The following MALRD1 variants were observed in gnomAD, a reference collection of about 807,000 sequenced individuals.
MALRD1 encodes MAM and LDL receptor class A domain containing 1.
Under a neutral mutation model 242.1 loss-of-function variants are expected in MALRD1, and 247 were observed. The ratio of observed to expected loss-of-function variants is 1.02; its 90% CI spans 0.92 to 1.13. MALRD1 has a LOEUF of 1.13. Ranked by LOEUF, MALRD1 falls within the 50% of genes most tolerant of loss-of-function variation. MALRD1 has a pLI of 0.00. For synonymous variants in MALRD1, 995 were observed against 866.6 expected (o/e 1.15, Z -2.60); for missense variants, 2,989 against 2,533.1 (o/e 1.18, Z -3.86).
At chr10:19,717,424 G>A (rs1834441804) in intron 38 of MALRD1, among the ~76,000 whole-genome samples, 1 of 152,100 alleles carries the variant, frequency 6.6e-6, no homozygotes, top group Admixed American at 6.6e-5. Flanking sequence ...GTATAATTTG[G>A]CACCATGGCT....
At chr10:19,465,954 C>A (rs7089570) in intron 29 of MALRD1, among the ~76,000 whole-genome samples, 115,147 of 152,120 alleles carry the variant, frequency 0.76, 43,827 homozygotes, top group East Asian at 0.99. Flanking sequence ...TTGTCAATTT[C>A]TTTAAATTCT....
chr10:19,242,465 A>AT (rs1406484075), intron 18 of MALRD1, among the ~76,000 whole-genome samples: 1 of 152,044 alleles, frequency 6.6e-6, no homozygotes, highest in African/African-American at 2.4e-5. Flanking sequence ...TGAGTCTGTC[A>AT]TTTTTTGGTT....
At chr10:19,346,159 A>T (rs1844111465) in intron 24 of MALRD1, among the ~76,000 whole-genome samples, 1 of 152,190 alleles carries the variant, frequency 6.6e-6, no homozygotes, top group Admixed American at 6.6e-5. Flanking sequence ...AGATAATTTT[A>T]TCTGACTTGG....
chr10:19,588,573 G>A (rs1837571047), intron 33 of MALRD1, among the ~76,000 whole-genome samples: 1 of 152,180 alleles, frequency 6.6e-6, no homozygotes, highest in Non-Finnish European at 1.5e-5. Flanking sequence ...GGGATTTTCT[G>A]TTGTTTCAGA....
chr10:19,452,967 G>T (rs1378945933), intron 29 of MALRD1, among the ~76,000 whole-genome samples: 1 of 152,108 alleles, frequency 6.6e-6, no homozygotes, highest in East Asian at 1.9e-4. Flanking sequence ...GATGAAAATA[G>T]TATTTTCATC....
chr10:19,359,026 C>T (rs1026729680), intron 26 of MALRD1, among the ~76,000 whole-genome samples: 5 of 151,942 alleles, frequency 3.3e-5, no homozygotes, highest in African/African-American at 1.2e-4. Flanking sequence ...CAATAAAGAT[C>T]CAGAGATAGA....
chr10:19,672,499 C>T (rs146562747), intron 36 of MALRD1, among the ~76,000 whole-genome samples: 4,318 of 150,628 alleles, frequency 0.029, 194 homozygotes, highest in African/African-American at 0.09. Flanking sequence ...TCTCAGCTCA[C>T]TGCAACCTCT....
At position 19,074,969 on chromosome 10, in the gene MALRD1, T is replaced by A. The variant is rs141429927; in HGVS notation, c.340+8110T>A. Among the ~76,000 whole-genome samples the A allele has an allele frequency of 2.7e-3, 406 of 152,104 alleles. 3 individuals are homozygous for A. The highest frequency in any genetic ancestry group is 9.2e-3 in the African/African-American group (382 of 41,540). On this transcript the variant is annotated intron_variant, in intron 2 of 39. Transcript: ENST00000454679. Reference sequence around the variant, plus strand: ...CCATGATCATTTGACTGAGATTCTGTCAAATGAGGGTGACCATGATATTTT... The same window carrying A: ...CCATGATCATTTGACTGAGATTCTGACAAATGAGGGTGACCATGATATTTT...
intron 21 of MALRD1, among the ~76,000 whole-genome samples, chr10:19,309,386 A>G (rs975356782): frequency 2.0e-5 from 3 of 151,554 alleles, no homozygotes; most frequent in African/African-American, 7.3e-5. Context: ...TTACCAAAAT[A>G]TATCTACTTA....
intron 30 of MALRD1, among the ~76,000 whole-genome samples, chr10:19,492,006 T>A (rs1460232163): frequency 6.6e-6 from 1 of 151,860 alleles, no homozygotes; most frequent in Non-Finnish European, 1.5e-5. Context: ...TTTTCTATTT[T>A]TTTTTCCAAA....
intron 29 of MALRD1, among the ~76,000 whole-genome samples, chr10:19,490,120 T>A (rs1029490225): frequency 1.3e-5 from 2 of 152,176 alleles, no homozygotes; most frequent in African/African-American, 4.8e-5. Flanking sequence ...ATATAGGTTT[T>A]TAGATTTTTG....
intron 7 of MALRD1, among the ~76,000 whole-genome samples, chr10:19,126,202 T>G (rs1837277660): frequency 6.6e-6 from 1 of 152,102 alleles, no homozygotes; most frequent in Admixed American, 6.5e-5. Context: ...ATTTGAAAAT[T>G]TCAGTATGAT....
Position 19,604,509 on chromosome 10 carries a change from T to A in MALRD1, c.5945-3268T>A, listed in dbSNP as rs953416554. Among the ~76,000 whole-genome samples the A allele has an allele frequency of 3.3e-5, 5 of 152,250 alleles. No individual in the cohort carries two copies. The South Asian group carries it at 1.0e-3, about 32-fold the overall frequency. On this transcript the variant is annotated intron_variant, in intron 34 of 39. Coordinates refer to ENST00000454679, the MANE Select transcript of MALRD1 (RefSeq NM_001142308.3). ...AGATAGCAGAGGTTGGTTTATGAAGTTGAAGGAAAGAAACTATCACCATAA... is the reference window on the plus strand; with the variant it reads ...AGATAGCAGAGGTTGGTTTATGAAGATGAAGGAAAGAAACTATCACCATAA...
chr10:19,212,926 GGGTT>G (rs926810248), intron 18 of MALRD1, among the ~76,000 whole-genome samples: 14 of 67,896 alleles, frequency 2.1e-4, no homozygotes, highest in Non-Finnish European at 3.4e-4. Flanking sequence ...GTTTTAAATG[GGGTT>G]GTTTGTTTTT....
At chr10:19,344,186 C>A (rs972257661) in intron 24 of MALRD1, among the ~76,000 whole-genome samples, 2 of 152,022 alleles carry the variant, frequency 1.3e-5, no homozygotes, top group Admixed American at 6.6e-5. Flanking sequence ...ATTGATCTTT[C>A]CTCTTCCAGA....
intron 32 of MALRD1, among the ~76,000 whole-genome samples, chr10:19,552,780 C>T (rs1378462488): frequency 9.9e-5 from 15 of 152,044 alleles, no homozygotes. Context: ...AGTAGTTACA[C>T]TGTAATAACT....
At position 19,124,997 on chromosome 10, in the gene MALRD1, A is replaced by G. The variant is rs1005704921; in HGVS notation, c.943+327A>G. Among the ~76,000 whole-genome samples, 4 of 113,706 alleles carry G rather than the reference A, an allele frequency of 3.5e-5. No individual in the cohort carries two copies. In the East Asian group the frequency reaches 8.5e-4, roughly 24 times the overall value. The allele number at this position is 113,706 out of a possible 152,430, so 74.6% of individuals were successfully genotyped here. ...GTCTCAATCTGTCACCCAGGCTGGAATGCAGTGGTGAGATCTCGGCCCACT... is the reference window on the plus strand; with the variant it reads ...GTCTCAATCTGTCACCCAGGCTGGAGTGCAGTGGTGAGATCTCGGCCCACT... On this transcript the variant is annotated intron_variant, in intron 7 of 39. Coordinates refer to ENST00000454679, the MANE Select transcript of MALRD1 (RefSeq NM_001142308.3).
In MALRD1 at chr10:19,703,054, A is replaced by G. The variant is rs531797998; in HGVS notation, c.6314+10500A>G. Among the ~76,000 whole-genome samples the G allele has an allele frequency of 1.4e-4, 21 of 152,306 alleles. No individual in the cohort carries two copies. The South Asian group carries it at 4.1e-3, about 30-fold the overall frequency. On this transcript the variant is annotated intron_variant, in intron 38 of 39. Coordinates refer to ENST00000454679, the MANE Select transcript of MALRD1 (RefSeq NM_001142308.3). ...ACATTCTGTGACTCTTCTTTTAGCTACTTGCCACCTAATCTCTTAGTGTGG... is the reference window on the plus strand; with the variant it reads ...ACATTCTGTGACTCTTCTTTTAGCTGCTTGCCACCTAATCTCTTAGTGTGG...
chr10:19,156,899 A>C (rs1834169639), intron 12 of MALRD1, among the ~76,000 whole-genome samples: 1 of 152,100 alleles, frequency 6.6e-6, no homozygotes, highest in Non-Finnish European at 1.5e-5. Context: ...AAATGCTGTC[A>C]TGGACATTTT....
Sources: allele counts gnomAD v4.1 joint callset (sites outside exome capture counted in the v4.1 genomes callset), GRCh38; gene constraint gnomAD v4.1.1; transcripts MANE v1.5; gene names NCBI Gene and HGNC (gene_info 2026-07-23, HGNC 2026-07-21).